APTX: variants seen among roughly 807,000 people sequenced by gnomAD.
The protein encoded by APTX is aprataxin, also known as forkhead-associated domain histidine triad-like protein.
Under a neutral mutation model 42.3 loss-of-function variants are expected in APTX, and 33 were observed. The ratio of observed to expected loss-of-function variants is 0.78; its 90% CI spans 0.59 to 1.04. APTX has a LOEUF of 1.04. Among genes scored for constraint, APTX ranks in the 50% least tolerant of loss-of-function variants. APTX has a pLI of 0.00. For missense variants in APTX, 421 were observed against 415.1 expected (o/e 1.01, Z -0.12); for synonymous variants, 130 against 146.7 (o/e 0.89, Z 0.82).
At chr9:33,010,156 G>A (rs531285561) in intron 1 of APTX, among the ~76,000 whole-genome samples, 4 of 152,112 alleles carry the variant, frequency 2.6e-5, no homozygotes, top group Non-Finnish European at 5.9e-5. Flanking sequence ...ATCACAGACA[G>A]GCAATAGTAG....
chr9:32,991,447 C>T (rs10738904), intron 1 of APTX, among the ~76,000 whole-genome samples: 146,312 of 152,272 alleles, frequency 0.96, 70,523 homozygotes, highest in East Asian at 1. Context: ...ATCTGGAAGA[C>T]ATACTTAATT....
At chr9:32,986,643 A>G (rs915576901) in intron 4 of APTX, among the ~76,000 whole-genome samples, 7 of 150,502 alleles carry the variant, frequency 4.7e-5, no homozygotes, top group African/African-American at 1.7e-4. Context: ...CTGGGATTAT[A>G]GGCATGCACC....
At chr9:32,989,438 T>C (rs964568609) in intron 2 of APTX, among the ~76,000 whole-genome samples, 3 of 152,200 alleles carry the variant, frequency 2.0e-5, no homozygotes, top group South Asian at 2.1e-4. Flanking sequence ...GTTTCACCTG[T>C]AGACTCCAGA....
chr9:32,985,774 C>T (rs56032230), intron 5 of APTX, among the ~76,000 whole-genome samples, 197 bp downstream of exon 5: 1 of 152,120 alleles, frequency 6.6e-6, no homozygotes, highest in African/African-American at 2.4e-5. Context: ...ATTTGAAGAA[C>T]TCAGCTTTCT....
At chr9:32,997,559 C>T (rs1419814890) in intron 1 of APTX, among the ~76,000 whole-genome samples, 1 of 152,034 alleles carries the variant, frequency 6.6e-6, no homozygotes, top group Admixed American at 6.5e-5. Flanking sequence ...TGAAAAGGAG[C>T]AGCCTAATTA....
intron 1 of APTX, among the ~76,000 whole-genome samples, chr9:33,022,231 CTAT>C (rs1838444427): frequency 6.6e-6 from 1 of 152,056 alleles, no homozygotes; most frequent in African/African-American, 2.4e-5. Flanking sequence ...CCTAAAAGGG[CTAT>C]TATTAAAATA....
chr9:32,972,836 C>CT lies in APTX; in HGVS notation c.*661dup. 1 of 454,114 alleles carries CT rather than the reference C, an allele frequency of 2.2e-6. No homozygotes were observed. Among genetic ancestry groups the CT allele is most frequent in the South Asian group, 1.6e-5 (1 of 64,472 alleles). The allele number at this position is 454,114 out of a possible 1,614,324, so 28.1% of individuals were successfully genotyped here. On this transcript the variant is annotated 3_prime_UTR_variant, in exon 8 of 8. Coordinates refer to ENST00000379817, the MANE Select transcript of APTX (RefSeq NM_001195248.2). ...CAGCTCAATCATGACGAACATGTGGCTGTTTCCTCACAGCCAGGAACCCTC... is the reference window on the plus strand; with the variant it reads ...CAGCTCAATCATGACGAACATGTGGCTTGTTTCCTCACAGCCAGGAACCCTC...
Position 32,989,876 on chromosome 9 carries a change from A to T in APTX, c.16T>A (p.Trp6Arg). ...TGCCGGCTGTCCTGTCTCACCAACC[A>T]GCACACCCGCATCATCACTCTAAGG... is the stretch of plus-strand genomic sequence containing the variant. MMRVC[W>R]LVRQDSRHQR... Residue 6 changes from tryptophan to arginine, a missense_variant, in exon 2 of 8, where the codon TGG (tryptophan) becomes AGG (arginine). Physicochemically the swap from Trp to Arg is moderately radical, Grantham distance 101 (BLOSUM62 -3). Coordinates refer to ENST00000379817, the MANE Select transcript of APTX (RefSeq NM_001195248.2). The T allele has an allele frequency of 6.2e-7, 1 of 1,614,172 alleles. No homozygotes were observed. The highest frequency in any genetic ancestry group is 8.5e-7 in the Non-Finnish European group (1 of 1,180,030).
chr9:33,002,544 A>G (rs1836734705), upstream of APTX, among the ~76,000 whole-genome samples: 1 of 152,188 alleles, frequency 6.6e-6, no homozygotes, highest in South Asian at 2.1e-4. Flanking sequence ...ATATTTAGCC[A>G]GAAACTCCTT....
chr9:33,020,955 CCT>C (rs1334579767), intron 1 of APTX, among the ~76,000 whole-genome samples: 1 of 151,844 alleles, frequency 6.6e-6, no homozygotes, highest in African/African-American at 2.4e-5. Flanking sequence ...ATGGAGAAAC[CCT>C]GTCTCTACTA....
At chr9:33,001,279 A>C in intron 1 of APTX, 45 of 1,435,822 alleles carry the variant, frequency 3.1e-5, no homozygotes, top group Non-Finnish European at 3.9e-5. Flanking sequence ...CCTTGGTTGG[A>C]CAGGGCCCAT....
intron 1 of APTX, among the ~76,000 whole-genome samples, chr9:32,991,779 G>GAAAAAAAAAAAAA (rs35551187): frequency 8.1e-6 from 1 of 124,088 alleles, no homozygotes; most frequent in Non-Finnish European, 1.7e-5. Flanking sequence ...TCCATCTCAA[G>GAAAAAAAAAAAAA]AAAAAAAAAA....
intron 1 of APTX, 147 bp downstream of exon 1, chr9:33,001,420 G>A: frequency 1.3e-6 from 2 of 1,541,030 alleles, no homozygotes; most frequent in Non-Finnish European, 1.7e-6. Flanking sequence ...AGTAACAGGG[G>A]AGGACGGAGA....
intron 1 of APTX, among the ~76,000 whole-genome samples, chr9:32,992,984 A>C (rs1833986340): frequency 6.6e-6 from 1 of 152,228 alleles, no homozygotes; most frequent in Non-Finnish European, 1.5e-5. Flanking sequence ...GAAACAGATG[A>C]ATGAGCAGGT....
chr9:33,000,625 CAA>C (rs60760701), intron 1 of APTX, among the ~76,000 whole-genome samples: 18,260 of 61,548 alleles, frequency 0.3, 502 homozygotes, highest in Middle Eastern at 0.33. Flanking sequence ...GACTCTGTCT[CAA>C]AAAAAAAAAA....
chr9:32,998,733 TA>T (rs1260106370), intron 1 of APTX, among the ~76,000 whole-genome samples: 3 of 151,526 alleles, frequency 2.0e-5, no homozygotes, highest in African/African-American at 4.9e-5. Flanking sequence ...GGTGAGGGGC[TA>T]GGGGAGGGAT....
chr9:33,019,369 CAGTT>C (rs1384119685), intron 1 of APTX, among the ~76,000 whole-genome samples: 3 of 152,024 alleles, frequency 2.0e-5, no homozygotes, highest in African/African-American at 7.2e-5. Context: ...AGTCTGGCCC[CAGTT>C]AATTAAAAAC....
intron 1 of APTX, among the ~76,000 whole-genome samples, chr9:33,021,029 T>G (rs914906248): frequency 1.3e-5 from 2 of 151,660 alleles, no homozygotes; most frequent in Non-Finnish European, 2.9e-5. Flanking sequence ...CTTGGGAAGC[T>G]GAGGCAGGAG....
intron 4 of APTX, among the ~76,000 whole-genome samples, chr9:32,986,924 T>C (rs1008250489): frequency 3.3e-5 from 5 of 152,148 alleles, no homozygotes; most frequent in Non-Finnish European, 7.3e-5. Context: ...TCCTCCCGCC[T>C]CAGCCTCCCG....
Sources: allele counts gnomAD v4.1 joint callset (sites outside exome capture counted in the v4.1 genomes callset), GRCh38; gene constraint gnomAD v4.1.1; transcripts MANE v1.5; gene names NCBI Gene and HGNC (gene_info 2026-07-23, HGNC 2026-07-21).